Variants in RANBP17 observed in about 807,000 individuals in gnomAD.
The protein encoded by RANBP17 is RAN binding protein 17.
Under a neutral mutation model 141.2 loss-of-function variants are expected in RANBP17, and 158 were observed. The observed-to-expected ratio is 1.12, with a 90% CI of 0.98 to 1.28. The LOEUF is 1.28. Among genes scored for constraint, RANBP17 ranks in the 50% most tolerant of loss-of-function variants. RANBP17 has a pLI of 0.00. For synonymous variants in RANBP17, 430 were observed against 450.0 expected, an observed-to-expected ratio of 0.96 and a Z score of 0.56; for missense variants, 1,438 against 1,290.7, an observed-to-expected ratio of 1.11 and a Z score of -1.75.
chr5:170,885,853 C>A (rs1581052520), intron 3 of RANBP17, among the ~76,000 whole-genome samples: 1 of 143,730 alleles, frequency 7.0e-6, no homozygotes, highest in African/African-American at 2.5e-5. Context: ...TATCTTGAAA[C>A]CCTTCACTCT....
intron 14 of RANBP17, among the ~76,000 whole-genome samples, chr5:170,992,595 G>A (rs1441129695): frequency 6.6e-6 from 1 of 151,978 alleles, no homozygotes; most frequent in African/African-American, 2.4e-5. Flanking sequence ...TATCTCCATG[G>A]TACATGTCAA....
chr5:171,268,376 A>T (rs773357829), intron 25 of RANBP17, among the ~76,000 whole-genome samples: 1 of 152,216 alleles, frequency 6.6e-6, no homozygotes, highest in African/African-American at 2.4e-5. Flanking sequence ...AGAGAGATCA[A>T]CTGGAAAGTG....
intron 14 of RANBP17, among the ~76,000 whole-genome samples, chr5:171,016,374 C>T (rs1423470795): frequency 6.6e-6 from 1 of 151,904 alleles, no homozygotes; most frequent in Non-Finnish European, 1.5e-5. Flanking sequence ...GCTTACATAC[C>T]ATAAAGACAT....
chr5:170,939,697 C>G (rs1389601153), intron 12 of RANBP17, among the ~76,000 whole-genome samples: 1 of 152,030 alleles, frequency 6.6e-6, no homozygotes, highest in Admixed American at 6.6e-5. Context: ...TAAACACATT[C>G]ATTTTAACAT....
At chr5:170,964,927 T>C (rs551005113) in intron 13 of RANBP17, among the ~76,000 whole-genome samples, 1 of 152,316 alleles carries the variant, frequency 6.6e-6, no homozygotes, top group South Asian at 2.1e-4. Context: ...ATGGGATGGC[T>C]GGGTCAAATG....
chr5:171,158,656 A>G (rs1430288977), intron 14 of RANBP17, among the ~76,000 whole-genome samples: 1 of 144,820 alleles, frequency 6.9e-6, no homozygotes. Flanking sequence ...TTGACCATTT[A>G]TTGTCCATTT....
At chr5:171,143,312 A>T (rs1235251296) in intron 14 of RANBP17, 1 of 152,250 alleles carries the variant, frequency 6.6e-6, no homozygotes, top group Admixed American at 6.5e-5. Context: ...GGAAGAGATC[A>T]TATAATATAT....
chr5:171,200,929 C>T (rs968893517), intron 19 of RANBP17, among the ~76,000 whole-genome samples: 1 of 152,220 alleles, frequency 6.6e-6, no homozygotes, highest in African/African-American at 2.4e-5. Flanking sequence ...AAATTCTTCA[C>T]CAGAGTTTCC....
intron 12 of RANBP17, among the ~76,000 whole-genome samples, chr5:170,936,630 G>A (rs1773901080): frequency 6.6e-6 from 1 of 152,040 alleles, no homozygotes; most frequent in African/African-American, 2.4e-5. Context: ...ATTAAGACTT[G>A]TCATATGACC....
chr5:171,218,507 A>G (rs778941778), intron 21 of RANBP17, among the ~76,000 whole-genome samples: 1 of 152,112 alleles, frequency 6.6e-6, no homozygotes, highest in African/African-American at 2.4e-5. Flanking sequence ...GTCTCCCACT[A>G]TTAGTGTGTG....
In RANBP17 at chr5:170,898,039, G is replaced by A. The variant is rs577524462; in HGVS notation, c.489+1924G>A. Among the ~76,000 whole-genome samples, 18 of 152,296 alleles carry A rather than the reference G, an allele frequency of 1.2e-4. No individual in the cohort carries two copies. In the South Asian group the frequency reaches 1.2e-3, roughly 11 times the overall value. ...ACACTCCCATCAACAATGTAAAAGC[G>A]TTCCTATTTCTCCACATCCTCTCTA... On this transcript the variant is annotated intron_variant, in intron 5 of 27. Transcript: ENST00000523189.
At chr5:171,241,707 T>TA (rs1303786161) in intron 23 of RANBP17, among the ~76,000 whole-genome samples, 1 of 152,196 alleles carries the variant, frequency 6.6e-6, no homozygotes, top group Non-Finnish European at 1.5e-5. Flanking sequence ...TCACTACAGT[T>TA]AAAGTCCACC....
intron 25 of RANBP17, chr5:171,271,401 A>C: frequency 4.7e-6 from 1 of 210,922 alleles, no homozygotes. Context: ...TTAAGATTCC[A>C]TTCCATAATA....
rs1384212152 is a variant in RANBP17 at position 171,213,754 on chromosome 5, G to T, written c.2339+16G>T. On this transcript the variant is annotated intron_variant, in intron 21 of 27. Coordinates refer to ENST00000523189, the MANE Select transcript of RANBP17 (RefSeq NM_022897.5). ...TGCAAAACAGGTAAGCAGTGTGACA[G>T]GCAGTGAGAAAAACAGTCTACTATT... 5.2e-6 allele frequency: 8 copies of T among 1,553,294 alleles called. 1 individual carries two copies. In the South Asian group the frequency reaches 8.9e-5, roughly 17 times the overall value.
Position 170,922,279 on chromosome 5 carries a change from CAG to C in RANBP17, c.1275-2077_1275-2076del, listed in dbSNP as rs749899040. ...GGAGGTGTTTCCCAGTCAGGCTACA[CAG>C]GGGTGAGGGACCCGCTTGAGGAGGT... is the stretch of plus-strand genomic sequence containing the variant. On this transcript the variant is annotated intron_variant, in intron 11 of 27. Transcript: ENST00000523189. Among the ~76,000 whole-genome samples the C allele has an allele frequency of 1.1e-3, 164 of 152,220 alleles. 2 individuals are homozygous for C. Among genetic ancestry groups the C allele is most frequent in the East Asian group, 7.7e-4 (4 of 5,170 alleles).
intron 14 of RANBP17, among the ~76,000 whole-genome samples, chr5:170,977,024 C>A (rs936218074): frequency 6.6e-6 from 1 of 152,072 alleles, no homozygotes; most frequent in African/African-American, 2.4e-5. Context: ...TTTTGTACTT[C>A]AGAGGACATC....
chr5:171,066,629 G>A (rs968213507), intron 14 of RANBP17, among the ~76,000 whole-genome samples: 7 of 152,152 alleles, frequency 4.6e-5, no homozygotes, highest in Non-Finnish European at 1.0e-4. Context: ...TGCAGTGAAC[G>A]TGGGAGTGGA....
chr5:171,156,165 C>A (rs891038117), intron 14 of RANBP17, among the ~76,000 whole-genome samples: 1 of 152,026 alleles, frequency 6.6e-6, no homozygotes, highest in East Asian at 1.9e-4. Flanking sequence ...GTTTCTATAT[C>A]TTTCTACAAG....
At chr5:171,048,378 T>C (rs1309828944) in intron 14 of RANBP17, among the ~76,000 whole-genome samples, 1 of 152,142 alleles carries the variant, frequency 6.6e-6, no homozygotes, top group Non-Finnish European at 1.5e-5. Context: ...TATCTTTAGG[T>C]CTTGTTTTTA....
Sources: gnomAD v4.1 joint callset for allele counts (sites outside exome capture counted in the v4.1 genomes callset) on GRCh38, gnomAD v4.1.1 for gene constraint, MANE v1.5 for transcripts, NCBI Gene and HGNC (gene_info 2026-07-23, HGNC 2026-07-21) for gene names.